Variants in HSD17B12 observed in about 807,000 individuals in gnomAD.
HSD17B12 encodes the protein very-long-chain 3-oxoacyl-CoA reductase.
A neutral mutation model predicts 39.3 loss-of-function variants in HSD17B12; 32 were observed. The observed-to-expected ratio is 0.81, with a 90% CI of 0.61 to 1.09. The LOEUF is 1.09. HSD17B12 is among the 50% of genes least tolerant of loss of function. HSD17B12 has a pLI of 0.00. For missense variants in HSD17B12, 342 were observed against 382.9 expected, an observed-to-expected ratio of 0.89 and a Z score of 0.89; for synonymous variants, 150 against 146.7, an observed-to-expected ratio of 1.02 and a Z score of -0.16.
intron 1 of HSD17B12, chr11:43,733,989 A>C: frequency 2.8e-6 from 2 of 720,934 alleles, no homozygotes; most frequent in Non-Finnish European, 5.1e-6. Flanking sequence ...TGCTCCAGTC[A>C]TCACTGGTAG....
chr11:43,721,560 A>G (rs1422061997), intron 1 of HSD17B12, among the ~76,000 whole-genome samples: 2 of 152,170 alleles, frequency 1.3e-5, no homozygotes, highest in African/African-American at 4.8e-5. Context: ...CAGAGGTTGC[A>G]GTGAGCTAAG....
chr11:43,705,318 T>C (rs945899517), intron 1 of HSD17B12, among the ~76,000 whole-genome samples: 3 of 152,246 alleles, frequency 2.0e-5, no homozygotes, highest in African/African-American at 7.2e-5. Context: ...AATTGTCTTA[T>C]TACCATTATT....
chr11:43,721,193 T>C (rs1190460904), intron 1 of HSD17B12, among the ~76,000 whole-genome samples: 2 of 151,788 alleles, frequency 1.3e-5, no homozygotes, highest in African/African-American at 4.8e-5. Context: ...AAAGCAAGAA[T>C]CTGGGATAGA....
chr11:43,734,635 C>G lies in HSD17B12; in HGVS notation c.161-16276C>G, dbSNP rs2134896980. The G allele has an allele frequency of 6.7e-6, 2 of 297,706 alleles. 1 individual carries two copies. The highest frequency in any genetic ancestry group is 1.6e-3 in the Middle Eastern group (2 of 1,234). The allele number at this position is 297,706 out of a possible 1,614,324, so 18.4% of individuals were successfully genotyped here. A position where few individuals can be genotyped will look rare whatever the true frequency, so the allele number is the denominator to read the frequency against. On this transcript the variant is annotated intron_variant, in intron 1 of 10. Coordinates refer to ENST00000278353, the MANE Select transcript of HSD17B12 (RefSeq NM_016142.3). ...CCCCGATGATTCTTAACACCGCCTT[C>G]CTTCTGCCCCCACCCCAGAAATCAC...
the HSD17B12 span, chr11:43,644,214 G>C: frequency 6.6e-6 from 1 of 152,328 alleles, no homozygotes; most frequent in South Asian, 2.1e-4. Flanking sequence ...CGCGGGCATT[G>C]TGGGAGTTGT....
chr11:43,803,985 T>C (rs1277757858), intron 4 of HSD17B12, among the ~76,000 whole-genome samples: 3 of 152,196 alleles, frequency 2.0e-5, no homozygotes, highest in Non-Finnish European at 4.4e-5. Context: ...CCAGATTGGT[T>C]TGGAGGACTT....
the HSD17B12 span, among the ~76,000 whole-genome samples, chr11:43,575,588 T>C: frequency 6.6e-6 from 1 of 152,204 alleles, no homozygotes; most frequent in Non-Finnish European, 1.5e-5. The surrounding 1 kb of genome is among the most constrained non-coding windows in gnomAD (Gnocchi z 4.1). Context: ...GCTCTGCAGC[T>C]GCCCAGCCCA....
chr11:43,804,179 C>T (rs1480871986), intron 4 of HSD17B12, among the ~76,000 whole-genome samples: 1 of 152,278 alleles, frequency 6.6e-6, no homozygotes, highest in East Asian at 1.9e-4. Flanking sequence ...GTTTGTGATT[C>T]ATTTAAAAAA....
At chr11:43,582,788 G>A in the HSD17B12 span, among the ~76,000 whole-genome samples, 3,890 of 152,258 alleles carry the variant, frequency 0.026, 76 homozygotes, top group Non-Finnish European at 0.037. Flanking sequence ...GGCTAAGACT[G>A]TGAGAAGGCA....
intron 1 of HSD17B12, among the ~76,000 whole-genome samples, chr11:43,693,748 A>T (rs949327819): frequency 6.6e-6 from 1 of 152,256 alleles, no homozygotes; most frequent in Admixed American, 6.5e-5. Flanking sequence ...AAACTTCTTC[A>T]GATTGATTTT....
chr11:43,762,398 C>T (rs1233470462), intron 3 of HSD17B12, among the ~76,000 whole-genome samples: 1 of 152,198 alleles, frequency 6.6e-6, no homozygotes, highest in Non-Finnish European at 1.5e-5. Context: ...CTGACTTACA[C>T]TGAGAATGAG....
chr11:43,789,674 A>G (rs1950848717), intron 3 of HSD17B12, among the ~76,000 whole-genome samples: 1 of 152,144 alleles, frequency 6.6e-6, no homozygotes, highest in Non-Finnish European at 1.5e-5. Context: ...TAGGCTAGCC[A>G]TTGTGGTTTC....
chr11:43,707,981 C>T (rs1005982947), intron 1 of HSD17B12, among the ~76,000 whole-genome samples: 2 of 152,100 alleles, frequency 1.3e-5, no homozygotes, highest in African/African-American at 4.8e-5. Flanking sequence ...AGATGGCTGT[C>T]TTTCATTGTA....
At chr11:43,778,982 C>T (rs1166532765) in intron 3 of HSD17B12, among the ~76,000 whole-genome samples, 2 of 152,034 alleles carry the variant, frequency 1.3e-5, no homozygotes, top group Non-Finnish European at 2.9e-5. Flanking sequence ...TTACTGAAAG[C>T]TTTTTGTGGT....
intron 3 of HSD17B12, among the ~76,000 whole-genome samples, chr11:43,783,499 G>A (rs1950786955): frequency 6.6e-6 from 1 of 151,188 alleles, no homozygotes. Context: ...GTGCCATGGT[G>A]GTTTGTTCCA....
chr11:43,695,548 C>T (rs1222901389), intron 1 of HSD17B12, among the ~76,000 whole-genome samples: 2 of 152,024 alleles, frequency 1.3e-5, no homozygotes, highest in Non-Finnish European at 2.9e-5. Flanking sequence ...ATTGCACTCT[C>T]GCCTGGGCAA....
At position 43,828,926 on chromosome 11, in the gene HSD17B12, T is replaced by C. The variant is rs1029961382; in HGVS notation, c.502-2050T>C. 3.9e-5 allele frequency among the ~76,000 whole-genome samples: 6 copies of C among 152,224 alleles called. No homozygotes were observed. In the East Asian group the frequency reaches 1.2e-3, roughly 29 times the overall value. ...TTAACGATTTGTATATACATACTCA[T>C]ATAAAGAAGGCTTGAAATTCAATTT... On this transcript the variant is annotated intron_variant, in intron 6 of 10. Transcript: ENST00000278353.
the HSD17B12 span, among the ~76,000 whole-genome samples, chr11:43,666,727 G>A: frequency 6.6e-6 from 1 of 152,194 alleles, no homozygotes; most frequent in Non-Finnish European, 1.5e-5. Context: ...AGGAAAATAT[G>A]TTTAGATACC....
chr11:43,733,460 C>A (rs1239485750), intron 1 of HSD17B12, among the ~76,000 whole-genome samples: 1 of 152,126 alleles, frequency 6.6e-6, no homozygotes, highest in Non-Finnish European at 1.5e-5. Flanking sequence ...CTGTGTTTGG[C>A]ACATGTTAGG....
Sources: allele counts gnomAD v4.1 joint callset (sites outside exome capture counted in the v4.1 genomes callset), GRCh38; gene constraint gnomAD v4.1.1; non-coding constraint Gnocchi (gnomAD v3.1); transcripts MANE v1.5; gene names NCBI Gene and HGNC (gene_info 2026-07-23, HGNC 2026-07-21).